Variants in LRPAP1 observed in about 807,000 individuals in gnomAD.
LRPAP1 encodes LDL receptor related protein associated protein 1.
Under a neutral mutation model 39.9 loss-of-function variants are expected in LRPAP1, and 41 were observed. That is an observed-to-expected ratio of 1.03 (90% CI 0.80 to 1.33). LRPAP1 has a LOEUF of 1.33. LRPAP1 is among the 40% of genes most tolerant of loss of function. The pLI, the probability that LRPAP1 is intolerant of heterozygous loss-of-function variation, is 0.00. For synonymous variants in LRPAP1, 263 were observed against 212.7 expected (o/e 1.24, Z -2.06); for missense variants, 565 against 482.3 (o/e 1.17, Z -1.61).
intron 1 of LRPAP1, among the ~76,000 whole-genome samples, chr4:3,531,001 C>T (rs114632318): frequency 0.018 from 2,723 of 152,188 alleles, 78 homozygotes; most frequent in African/African-American, 0.062. Flanking sequence ...CACTGCATCC[C>T]GGCTGCTCCT....
intron 1 of LRPAP1, chr4:3,525,258 C>CG (rs1465876056): frequency 8.7e-6 from 5 of 576,272 alleles, no homozygotes; most frequent in Non-Finnish European, 1.5e-5. Context: ...TCTGTATACA[C>CG]GATCCGGAAA....
chr4:3,524,710 G>A (rs1396906647), intron 2 of LRPAP1, among the ~76,000 whole-genome samples, 197 bp downstream of exon 2: 3 of 152,240 alleles, frequency 2.0e-5, no homozygotes, highest in African/African-American at 7.2e-5. Context: ...TCCCTCATGA[G>A]GGTGAGCCCC....
chr4:3,522,692 A>T (rs186042413), intron 2 of LRPAP1, among the ~76,000 whole-genome samples: 40 of 67,218 alleles, frequency 6.0e-4, no homozygotes, highest in South Asian at 2.4e-3. Context: ...CCTGGGGAGG[A>T]CAGACGCCGC....
chr4:3,525,583 C>A (rs1408489933), intron 1 of LRPAP1, among the ~76,000 whole-genome samples: 3 of 152,178 alleles, frequency 2.0e-5, no homozygotes, highest in Middle Eastern at 6.3e-3. Flanking sequence ...AGCCCCAGAT[C>A]CTTCTGGAGC....
chr4:3,528,385 G>T (rs1235079164), intron 1 of LRPAP1, among the ~76,000 whole-genome samples: 1 of 151,808 alleles, frequency 6.6e-6, no homozygotes, highest in Non-Finnish European at 1.5e-5. Flanking sequence ...TGGGACCTCA[G>T]CAGTGGCCCT....
In LRPAP1 at chr4:3,531,892, G is replaced by C. The variant is rs371489699; in HGVS notation, c.204+317C>G. ...CAAAGGCTCGGGAGGCAGGAGACCT[G>C]TGATCTAGCCTGGTTCTGTCCCTAC... On this transcript the variant is annotated intron_variant, in intron 1 of 7. Transcript: ENST00000650182. 7.9e-5 allele frequency: 34 copies of C among 431,118 alleles called. No homozygotes were observed. In the East Asian group the frequency reaches 8.4e-4, roughly 11 times the overall value. 26.7% of individuals were successfully genotyped at this position (431,118 alleles called of 1,614,324 possible).
At chr4:3,520,327 T>C in intron 2 of LRPAP1, 134 bp from the exon 3 acceptor site, 7 of 876,096 alleles carry the variant, frequency 8.0e-6, no homozygotes, top group East Asian at 2.5e-5. Flanking sequence ...ACCTGTTTCC[T>C]GGATGACCAC....
rs573489074 is a variant in LRPAP1, at chr4:3,525,036, C to T, written c.220G>A (p.Val74Met). Residue 74 changes from valine to methionine, a missense_variant, in exon 2 of 8, where the codon GTG becomes ATG. Physicochemically the swap from Val to Met is conservative, Grantham distance 21 (BLOSUM62 1). Transcript: ENST00000650182. Reference sequence around the variant, plus strand: ...TCAGCGTGGAGCTCGGCCAGCCTCACGGGAGGAAGATGCAGCTGCGAACGA... The same window carrying T: ...TCAGCGTGGAGCTCGGCCAGCCTCATGGGAGGAAGATGCAGCTGCGAACGA... ...EKAQRLHLPPVRLAELHADLK... is the reference protein window; with the variant it reads ...EKAQRLHLPPMRLAELHADLK... 23 of 1,614,000 alleles carry T rather than the reference C, an allele frequency of 1.4e-5. No homozygotes were observed. The African/African-American group carries it at 1.5e-4, about 10-fold the overall frequency.
intron 4 of LRPAP1, 31 bp from the exon 5 acceptor site, chr4:3,518,223 C>A: frequency 6.3e-7 from 1 of 1,593,760 alleles, no homozygotes. Context: ...CGCCATGAGG[C>A]TGGGAGTCCT....
chr4:3,517,232 G>C (rs1729741157), intron 5 of LRPAP1, among the ~76,000 whole-genome samples: 1 of 152,244 alleles, frequency 6.6e-6, no homozygotes, highest in Non-Finnish European at 1.5e-5. Context: ...AGGGGACCTG[G>C]GCCCGCGTGG....
At chr4:3,530,303 C>T (rs1337046906) in intron 1 of LRPAP1, among the ~76,000 whole-genome samples, 1 of 152,166 alleles carries the variant, frequency 6.6e-6, no homozygotes, top group Non-Finnish European at 1.5e-5. Flanking sequence ...AGAACACCCT[C>T]ACAGCACCGC....
In LRPAP1 at chr4:3,507,483, T is replaced by TACATC. The variant is rs2108683952; in HGVS notation, c.*5490_*5491insGATGT. On this transcript the variant is annotated 3_prime_UTR_variant, in exon 8 of 8. Coordinates refer to ENST00000650182, the MANE Select transcript of LRPAP1 (RefSeq NM_002337.4). The stretch of plus-strand genomic sequence containing the variant: ...TATTTACCTACATATCATATATTTA[T>TACATC]ACATTATCATCTGCGAATTACTGAC... The TACATC allele has an allele frequency of 3.9e-5, 1 of 25,370 alleles. No individual in the cohort carries two copies. The highest frequency in any genetic ancestry group is 1.1e-4 in the African/African-American group (1 of 9,448). 1.6% of individuals were successfully genotyped at this position (25,370 alleles called of 1,614,324 possible).
intron 3 of LRPAP1, among the ~76,000 whole-genome samples, chr4:3,519,760 G>C (rs1441781785): frequency 6.6e-6 from 1 of 152,174 alleles, no homozygotes; most frequent in Non-Finnish European, 1.5e-5. Context: ...AATCCGACAC[G>C]GAGTAAAGAA....
intron 5 of LRPAP1, among the ~76,000 whole-genome samples, chr4:3,517,462 G>C (rs746321000): frequency 1.3e-5 from 2 of 152,228 alleles, no homozygotes; most frequent in Non-Finnish European, 2.9e-5. Context: ...GTACAGAATC[G>C]GAAGCTGCGT....
chr4:3,516,036 G>A, intron 6 of LRPAP1, 80 bp downstream of exon 6: 1 of 1,313,908 alleles, frequency 7.6e-7, no homozygotes. Context: ...GGAGGAGAGG[G>A]CTGCATTTCC....
Position 3,518,911 on chromosome 4 carries a change from G to C in LRPAP1, c.552C>G (p.His184Gln), listed in dbSNP as rs149133766. ...GGGTCTCCAGCAGGACGTTGTACTC[G>C]TGAACTTTCTCTTTGTGATGCAGGA... ...REFLHHKEKV[H>Q]EYNVLLETLS... Residue 184 changes from histidine (H) to glutamine (Q), a missense_variant, in exon 4 of 8, where the codon CAC becomes CAG. His to Gln is a conservative substitution (Grantham distance 24). Coordinates refer to ENST00000650182, the MANE Select transcript of LRPAP1 (RefSeq NM_002337.4). 2.5e-6 allele frequency: 4 copies of C among 1,613,648 alleles called. No homozygotes were observed. The highest frequency in any genetic ancestry group is 2.2e-5 in the East Asian group (1 of 44,854).
intron 1 of LRPAP1, among the ~76,000 whole-genome samples, chr4:3,526,736 G>A (rs1243512628): frequency 1.3e-5 from 2 of 152,212 alleles, no homozygotes; most frequent in Admixed American, 6.5e-5. Flanking sequence ...CCTGTATCTA[G>A]ACTGAGCCCA....
At chr4:3,519,069 C>T in intron 3 of LRPAP1, 78 bp from the exon 4 acceptor site, 3 of 1,569,626 alleles carry the variant, frequency 1.9e-6, no homozygotes, top group Non-Finnish European at 2.6e-6. Context: ...AACCACTCCT[C>T]ATGGCCAGGC....
chr4:3,524,901 A>G lies in LRPAP1; in HGVS notation c.349+6T>C, dbSNP rs529136224. 6.2e-7 allele frequency: 1 copy of G among 1,613,662 alleles called. No homozygotes were observed. The highest frequency in any genetic ancestry group is 8.5e-7 in the Non-Finnish European group (1 of 1,179,600). On this transcript the variant is annotated splice_donor_region_variant and intron_variant, in intron 2 of 7. Transcript: ENST00000650182. The stretch of plus-strand genomic sequence containing the variant: ...TCGACCTGCATTAGGAAAGAAACAA[A>G]CGTACCATTGAGGTTGCGTATGAGT...
Sources: gnomAD v4.1 joint callset for allele counts (sites outside exome capture counted in the v4.1 genomes callset) on GRCh38, gnomAD v4.1.1 for gene constraint, MANE v1.5 for transcripts, NCBI Gene and HGNC (gene_info 2026-07-23, HGNC 2026-07-21) for gene names.